The following TRHDE variants were observed in gnomAD, a reference collection of about 807,000 sequenced individuals.
The protein encoded by TRHDE is thyrotropin releasing hormone degrading enzyme.
TRHDE carries 72 observed loss-of-function variants against 125.7 expected under a neutral mutation model. The observed-to-expected ratio is 0.57, with a 90% CI of 0.47 to 0.70. The LOEUF (loss-of-function observed/expected upper bound fraction) is 0.70. Among genes scored for constraint, TRHDE ranks in the 30% least tolerant of loss-of-function variants. The probability of loss-of-function intolerance (pLI) is 0.00; values close to 1 mark genes in which losing one functional copy is unlikely to be tolerated. For synonymous variants in TRHDE, 509 were observed against 509.1 expected, an observed-to-expected ratio of 1.00 and a Z score of 0.00; for missense variants, 1,110 against 1,327.1, an observed-to-expected ratio of 0.84 and a Z score of 2.54.
At chr12:72,412,851 A>G (rs936369421) in intron 3 of TRHDE, among the ~76,000 whole-genome samples, 3 of 152,204 alleles carry the variant, frequency 2.0e-5, no homozygotes, top group Non-Finnish European at 2.9e-5. Context: ...ATGGTTGTAT[A>G]TAGTTTGGGG....
At chr12:72,257,643 G>C (rs146733255) in intron 2 of TRHDE, 88 of 152,214 alleles carry the variant, frequency 5.8e-4, no homozygotes, top group African/African-American at 2.0e-3. Context: ...AGAAAATCTG[G>C]TGGTTTCTGT....
chr12:72,276,665 G>T (rs1298095711), intron 1 of TRHDE, among the ~76,000 whole-genome samples: 2 of 152,194 alleles, frequency 1.3e-5, no homozygotes, highest in African/African-American at 4.8e-5. Context: ...ATGTACAAAG[G>T]TTAGAAGACG....
At chr12:72,514,160 TATCTC>T (rs1177587293) in intron 6 of TRHDE, among the ~76,000 whole-genome samples, 2 of 152,110 alleles carry the variant, frequency 1.3e-5, no homozygotes, top group Non-Finnish European at 2.9e-5. Context: ...CCCAACTTCA[TATCTC>T]ATCTCAAAAG....
At chr12:72,108,956 A>G (rs1286405963) in intron 2 of TRHDE, among the ~76,000 whole-genome samples, 1 of 152,132 alleles carries the variant, frequency 6.6e-6, no homozygotes, top group African/African-American at 2.4e-5. Flanking sequence ...CAGAAAGATG[A>G]AGCAAAGAAA....
intron 2 of TRHDE, among the ~76,000 whole-genome samples, chr12:72,143,199 C>T (rs1055410779): frequency 6.6e-6 from 1 of 152,198 alleles, no homozygotes; most frequent in Non-Finnish European, 1.5e-5. Context: ...TGCATGCTCC[C>T]TATCCCACTA....
chr12:72,609,555 C>T (rs1027775064), intron 12 of TRHDE, among the ~76,000 whole-genome samples: 8 of 152,120 alleles, frequency 5.3e-5, no homozygotes, highest in South Asian at 2.1e-4. Flanking sequence ...TATTTTGTCA[C>T]GCTGGTAATA....
chr12:72,585,986 C>T (rs1251833179), intron 12 of TRHDE, among the ~76,000 whole-genome samples: 1 of 152,120 alleles, frequency 6.6e-6, no homozygotes, highest in Non-Finnish European at 1.5e-5. Flanking sequence ...TCTTTTCCCA[C>T]CTCAGAACAA....
At chr12:72,438,481 G>T (rs1343548044) in intron 3 of TRHDE, among the ~76,000 whole-genome samples, 1 of 151,844 alleles carries the variant, frequency 6.6e-6, no homozygotes, top group East Asian at 1.9e-4. Flanking sequence ...AGAGGTATGA[G>T]ATGGTATCTC....
intron 12 of TRHDE, among the ~76,000 whole-genome samples, chr12:72,592,564 TTC>T (rs112791654): frequency 1.3e-5 from 2 of 151,272 alleles, no homozygotes; most frequent in Non-Finnish European, 1.5e-5. Flanking sequence ...GATTTTTTTT[TTC>T]TCTCTCTCTC....
intron 12 of TRHDE, among the ~76,000 whole-genome samples, chr12:72,616,455 C>G (rs1432400735): frequency 6.6e-6 from 1 of 151,932 alleles, no homozygotes; most frequent in Non-Finnish European, 1.5e-5. Context: ...ATTTTATAGA[C>G]ACAGAATGTG....
intron 2 of TRHDE, among the ~76,000 whole-genome samples, chr12:72,231,145 C>T (rs1425320239): frequency 3.3e-5 from 5 of 151,800 alleles, no homozygotes; most frequent in Non-Finnish European, 4.4e-5. Context: ...ATTAGAAGTA[C>T]ATAAAAATAT....
At chr12:72,488,476 T>G (rs1828255671) in intron 5 of TRHDE, among the ~76,000 whole-genome samples, 1 of 152,068 alleles carries the variant, frequency 6.6e-6, no homozygotes, top group African/African-American at 2.4e-5. Context: ...TAAATGTGTA[T>G]GCACCCAACA....
chr12:72,446,123 T>C (rs1262448272), intron 3 of TRHDE, among the ~76,000 whole-genome samples: 11 of 151,120 alleles, frequency 7.3e-5, no homozygotes, highest in Admixed American at 6.6e-4. Flanking sequence ...ATCGATTCAG[T>C]GATGGGTGGG....
chr12:72,177,459 T>C (rs1877012474), intron 2 of TRHDE, among the ~76,000 whole-genome samples: 1 of 152,076 alleles, frequency 6.6e-6, no homozygotes, highest in South Asian at 2.1e-4. Context: ...ATCAAATAGC[T>C]ACAATAAAAA....
At position 72,302,713 on chromosome 12, in the gene TRHDE, G is replaced by A. The variant is rs1024449469; in HGVS notation, c.1188+15759G>A. ...GACACAGGGGTGTCTCTTTCTCTTC[G>A]TGGAACTTATTTGTTAGCTAGATGG... On this transcript the variant is annotated intron_variant, in intron 2 of 18. Coordinates refer to ENST00000261180, the MANE Select transcript of TRHDE (RefSeq NM_013381.3). Among the ~76,000 whole-genome samples the A allele has an allele frequency of 2.6e-5, 4 of 152,082 alleles. No homozygotes were observed. In the South Asian group the frequency reaches 6.2e-4, roughly 24 times the overall value.
intron 1 of TRHDE, among the ~76,000 whole-genome samples, chr12:72,284,899 A>G (rs1213290880): frequency 6.6e-6 from 1 of 152,186 alleles, no homozygotes; most frequent in Non-Finnish European, 1.5e-5. Context: ...TTTGTAAGGA[A>G]AGCCTGGAAA....
intron 3 of TRHDE, among the ~76,000 whole-genome samples, chr12:72,416,904 C>T (rs1308853543): frequency 6.6e-6 from 1 of 151,876 alleles, no homozygotes; most frequent in Non-Finnish European, 1.5e-5. Flanking sequence ...TTTTCTATTT[C>T]TGTAAAGATA....
intron 15 of TRHDE, among the ~76,000 whole-genome samples, chr12:72,626,078 C>G (rs950378347): frequency 2.0e-5 from 3 of 151,826 alleles, no homozygotes; most frequent in Admixed American, 6.6e-5. Flanking sequence ...GAATGAGGCC[C>G]AAGGTTTTGT....
chr12:72,287,242 A>G (rs1879924511), intron 2 of TRHDE, among the ~76,000 whole-genome samples: 1 of 152,128 alleles, frequency 6.6e-6, no homozygotes, highest in Admixed American at 6.6e-5. Flanking sequence ...TCTCTGGAAC[A>G]GCTACTGTTG....
Sources: gnomAD v4.1 joint callset for allele counts (sites outside exome capture counted in the v4.1 genomes callset) on GRCh38, gnomAD v4.1.1 for gene constraint, MANE v1.5 for transcripts, NCBI Gene and HGNC (gene_info 2026-07-23, HGNC 2026-07-21) for gene names.